NTM: variants seen among roughly 807,000 people sequenced by gnomAD.
NTM encodes neurotrimin.
NTM carries 13 observed loss-of-function variants against 42.1 expected under a neutral mutation model. That is an observed-to-expected ratio of 0.31 (90% CI 0.20 to 0.49). The LOEUF is 0.49. Ranked by LOEUF, NTM falls within the 20% of genes least tolerant of loss-of-function variation. The pLI is 0.99. For synonymous variants in NTM, 187 were observed against 179.2 expected (o/e 1.04, Z -0.35); for missense variants, 373 against 452.8 (o/e 0.82, Z 1.60).
chr11:131,696,792 C>CACACACAG (rs1172459546), intron 1 of NTM, among the ~76,000 whole-genome samples: 7 of 152,052 alleles, frequency 4.6e-5, no homozygotes, highest in African/African-American at 1.7e-4. Context: ...CATGCACACA[C>CACACACAG]ACACACACAC....
intron 2 of NTM, among the ~76,000 whole-genome samples, chr11:131,949,205 A>G (rs533324494): frequency 1.3e-5 from 2 of 152,322 alleles, no homozygotes; most frequent in African/African-American, 2.4e-5. Context: ...ATACTGTTAC[A>G]TGCATTAGTG....
intron 4 of NTM, chr11:132,306,445 T>C (rs2095083950): frequency 6.6e-6 from 1 of 152,228 alleles, no homozygotes; most frequent in East Asian, 1.9e-4. Context: ...AACCAGATTA[T>C]AGGAGTAATA....
In NTM at chr11:131,834,619, C is replaced by CATATATAT. The variant is rs1437043670; in HGVS notation, c.83-76940_83-76939insTATATATA. On this transcript the variant is annotated intron_variant, in intron 1 of 8. Coordinates refer to ENST00000683400, the MANE Select transcript of NTM (RefSeq NM_001352005.2). ...TCGGAATAGTGTGTGTATATATATA[C>CATATATAT]ATATACATATATATATATATATATA... Among the ~76,000 whole-genome samples the CATATATAT allele has an allele frequency of 1.4e-4, 8 of 57,680 alleles. No homozygotes were observed. The South Asian group carries it at 2.2e-3, about 16-fold the overall frequency. The allele number at this position is 57,680 out of a possible 152,430, so 37.8% of individuals were successfully genotyped here.
At chr11:132,325,910 C>T (rs1013202689) in intron 7 of NTM, among the ~76,000 whole-genome samples, 12 of 151,996 alleles carry the variant, frequency 7.9e-5, no homozygotes, top group East Asian at 1.9e-4. Context: ...AGCAAACTAT[C>T]GCAAGGACAA....
intron 1 of NTM, among the ~76,000 whole-genome samples, chr11:131,874,203 C>T (rs189148918): frequency 1.3e-4 from 20 of 150,874 alleles, no homozygotes; most frequent in Non-Finnish European, 2.5e-4. Flanking sequence ...GAAAATGTGG[C>T]CCATCACCTC....
intron 2 of NTM, among the ~76,000 whole-genome samples, chr11:132,109,843 C>T (rs563348093): frequency 6.6e-6 from 1 of 152,314 alleles, no homozygotes; most frequent in African/African-American, 2.4e-5. Flanking sequence ...ATTCTTGTGC[C>T]TTTGGCATCC....
intron 1 of NTM, among the ~76,000 whole-genome samples, chr11:131,431,509 A>G (rs1948646337): frequency 6.6e-6 from 1 of 152,166 alleles, no homozygotes; most frequent in Non-Finnish European, 1.5e-5. Context: ...TCTGCATCTC[A>G]GGTTAAGAGA....
At chr11:131,779,978 C>A (rs1030235142) in intron 1 of NTM, among the ~76,000 whole-genome samples, 3 of 152,072 alleles carry the variant, frequency 2.0e-5, no homozygotes, top group Non-Finnish European at 4.4e-5. Flanking sequence ...AATCTCAGTC[C>A]CACCCACTCC....
chr11:132,049,236 A>G (rs1245392675), intron 2 of NTM, among the ~76,000 whole-genome samples: 1 of 152,088 alleles, frequency 6.6e-6, no homozygotes, highest in South Asian at 2.1e-4. Context: ...CAACAACAAG[A>G]ACACTTCCTC....
intron 1 of NTM, among the ~76,000 whole-genome samples, chr11:131,512,759 G>A (rs540956430): frequency 3.3e-5 from 5 of 152,174 alleles, no homozygotes; most frequent in South Asian, 2.1e-4. Context: ...CCACTCTCTC[G>A]TCTCCTTAGC....
chr11:131,523,338 T>C (rs963384227), intron 1 of NTM, among the ~76,000 whole-genome samples: 12 of 152,204 alleles, frequency 7.9e-5, no homozygotes, highest in Admixed American at 5.9e-4. Context: ...AGTAAGAAAG[T>C]GTCACCAGAT....
chr11:132,018,465 T>G (rs2073799089), intron 2 of NTM, among the ~76,000 whole-genome samples: 1 of 150,736 alleles, frequency 6.6e-6, no homozygotes, highest in Admixed American at 6.6e-5. Flanking sequence ...TTTAAAAATG[T>G]TTTTCTTTGT....
intron 1 of NTM, among the ~76,000 whole-genome samples, chr11:131,419,167 CA>C: frequency 6.6e-6 from 1 of 152,116 alleles, no homozygotes; most frequent in East Asian, 1.9e-4. Context: ...AACAAACAAA[CA>C]AACAAACAAA....
At chr11:132,140,578 C>G (rs1050117108) in intron 2 of NTM, among the ~76,000 whole-genome samples, 1 of 152,070 alleles carries the variant, frequency 6.6e-6, no homozygotes, top group Admixed American at 6.6e-5. Flanking sequence ...AAAAGAAATC[C>G]AGTAGGGTCA....
At chr11:131,854,334 C>T (rs1334970842) in intron 1 of NTM, among the ~76,000 whole-genome samples, 1 of 152,172 alleles carries the variant, frequency 6.6e-6, no homozygotes, top group Non-Finnish European at 1.5e-5. Flanking sequence ...TAAACGACAC[C>T]AAATTGTTTT....
intron 2 of NTM, among the ~76,000 whole-genome samples, chr11:132,109,039 CT>C (rs1470446871): frequency 6.6e-6 from 1 of 152,260 alleles, no homozygotes; most frequent in East Asian, 1.9e-4. Flanking sequence ...TGAACTCATC[CT>C]TTTTTATGGC....
At chr11:132,264,510 A>G (rs1169659377) in intron 4 of NTM, among the ~76,000 whole-genome samples, 1 of 152,178 alleles carries the variant, frequency 6.6e-6, no homozygotes, top group Non-Finnish European at 1.5e-5. Flanking sequence ...TTAGATTTGC[A>G]TGTAATAAAA....
At chr11:131,891,832 C>A (rs2051393256) in intron 1 of NTM, among the ~76,000 whole-genome samples, 1 of 152,204 alleles carries the variant, frequency 6.6e-6, no homozygotes. Flanking sequence ...CATTTTTTCA[C>A]TGGGCCTAAT....
intron 4 of NTM, among the ~76,000 whole-genome samples, chr11:132,248,193 A>G (rs1436869485): frequency 6.6e-6 from 1 of 152,078 alleles, no homozygotes; most frequent in Non-Finnish European, 1.5e-5. Flanking sequence ...AGGGAGAGAC[A>G]GGGGAAAAAA....
Sources: allele counts gnomAD v4.1 joint callset (sites outside exome capture counted in the v4.1 genomes callset), GRCh38; gene constraint gnomAD v4.1.1; transcripts MANE v1.5; gene names NCBI Gene and HGNC (gene_info 2026-07-23, HGNC 2026-07-21).